The following MICU1 variants were observed in gnomAD, a reference collection of about 807,000 sequenced individuals.
MICU1 encodes the protein calcium uptake protein 1, mitochondrial.
A neutral mutation model predicts 56.8 loss-of-function variants in MICU1; 45 were observed. The observed-to-expected ratio is 0.79, with a 90% CI of 0.62 to 1.02. The LOEUF (loss-of-function observed/expected upper bound fraction) is 1.02. MICU1 is among the 50% of genes least tolerant of loss of function. MICU1 has a pLI of 0.00. For missense variants in MICU1, 504 were observed against 587.1 expected, an observed-to-expected ratio of 0.86 and a Z score of 1.46; for synonymous variants, 186 against 195.1, an observed-to-expected ratio of 0.95 and a Z score of 0.39.
intron 8 of MICU1, among the ~76,000 whole-genome samples, chr10:72,436,959 T>C (rs535636076): frequency 1.6e-4 from 24 of 152,210 alleles, no homozygotes; most frequent in African/African-American, 5.1e-4. Context: ...TGGAAGCAAG[T>C]TGAAAAACAC....
rs1313743786 is a variant in MICU1, at chr10:72,508,179, T to C, written c.628A>G (p.Ile210Val). 2 of 1,531,948 alleles carry C rather than the reference T, an allele frequency of 1.3e-6. No individual in the cohort carries two copies. The highest frequency in any genetic ancestry group is 1.8e-6 in the Non-Finnish European group (2 of 1,125,954). 94.9% of individuals were successfully genotyped at this position (1,531,948 alleles called of 1,614,324 possible). ...ECGLISFSDY[I>V]FLTTVLSTPQ... ...CTGGAAAGAACAGTTGTGAGGAAAA[T>C]GTAGTCTGAAAAGGATATGAGCCCA... Residue 210 changes from isoleucine (I) to valine (V), a missense_variant, in exon 6 of 12, where the codon ATT (isoleucine) becomes GTT (valine). Coordinates refer to ENST00000361114, the MANE Select transcript of MICU1 (RefSeq NM_001195518.2).
chr10:72,400,449 T>A (rs1290923690), intron 10 of MICU1, among the ~76,000 whole-genome samples: 1 of 152,104 alleles, frequency 6.6e-6, no homozygotes, highest in Non-Finnish European at 1.5e-5. Context: ...TTTGTTTTTA[T>A]AGTAAATGAT....
chr10:72,371,151 C>T (rs946682275), intron 11 of MICU1, among the ~76,000 whole-genome samples: 3 of 151,670 alleles, frequency 2.0e-5, no homozygotes, highest in Non-Finnish European at 4.4e-5. Context: ...TTTGGGAGGC[C>T]GAGACGGGCG....
Position 72,551,371 on chromosome 10 carries a change from A to G in MICU1, c.331-30T>C, listed in dbSNP as rs375271922. 2.6e-5 allele frequency: 39 copies of G among 1,528,688 alleles called. No homozygotes were observed. In the African/African-American group the frequency reaches 4.8e-4, roughly 19 times the overall value. 94.7% of individuals were successfully genotyped at this position (1,528,688 alleles called of 1,614,324 possible). A position where few individuals can be genotyped will look rare whatever the true frequency, so the allele number is the denominator to read the frequency against. On this transcript the variant is annotated intron_variant, in intron 3 of 11. Transcript: ENST00000361114. ...AGTTAGAAATTTAGAAAGTGTTACT[A>G]TATTAAGCAATGCTCATATGCTCAT...
chr10:72,608,669 T>C (rs768407317), intron 1 of MICU1, among the ~76,000 whole-genome samples: 8 of 152,238 alleles, frequency 5.3e-5, no homozygotes, highest in Admixed American at 1.3e-4. Context: ...AATGCAGCTA[T>C]TGTTAGTCGA....
intron 5 of MICU1, chr10:72,533,141 T>C: frequency 7.8e-7 from 1 of 1,290,078 alleles, no homozygotes; most frequent in Non-Finnish European, 1.0e-6. Flanking sequence ...CTGTGTAATA[T>C]TTTCTTTTTG....
intron 1 of MICU1, among the ~76,000 whole-genome samples, chr10:72,567,874 G>A (rs1840484047): frequency 6.6e-6 from 1 of 152,092 alleles, no homozygotes; most frequent in African/African-American, 2.4e-5. Context: ...TAACTGGCAA[G>A]GGAAAAACTT....
chr10:72,536,762 A>C (rs1032054421), intron 4 of MICU1, among the ~76,000 whole-genome samples: 4 of 152,228 alleles, frequency 2.6e-5, no homozygotes, highest in African/African-American at 9.6e-5. Context: ...TAATCAAGAG[A>C]AAATATTAAT....
intron 1 of MICU1, 110 bp from the exon 2 acceptor site, chr10:72,566,904 G>A (rs978164113): frequency 1.9e-5 from 17 of 908,432 alleles, no homozygotes; most frequent in Non-Finnish European, 2.3e-5. Flanking sequence ...CTCTATGACA[G>A]GCACTATTCT....
At chr10:72,592,843 C>G (rs868463411) in intron 1 of MICU1, among the ~76,000 whole-genome samples, 4 of 148,950 alleles carry the variant, frequency 2.7e-5, no homozygotes, top group Non-Finnish European at 5.9e-5. Context: ...AGAGCAATGG[C>G]GCAATCTCGG....
intron 9 of MICU1, among the ~76,000 whole-genome samples, chr10:72,414,154 CA>C (rs1863910524): frequency 6.6e-6 from 1 of 152,152 alleles, no homozygotes; most frequent in Non-Finnish European, 1.5e-5. Flanking sequence ...CACAGGTCTG[CA>C]GGAGGACTTG....
In MICU1 at chr10:72,377,272, A is replaced by G. The variant is rs560736888; in HGVS notation, c.1181-1400T>C. Among the ~76,000 whole-genome samples, 582 of 152,154 alleles carry G rather than the reference A, an allele frequency of 3.8e-3. 3 individuals are homozygous for G. Among genetic ancestry groups the G allele is most frequent in the African/African-American group, 0.013 (531 of 41,476 alleles). On this transcript the variant is annotated intron_variant, in intron 10 of 11. Transcript: ENST00000361114. ...GTAGCTGGGACTACTGGTGCCTGCC[A>G]TCACGCCTGGCTAATTTTTATATTT...
intron 8 of MICU1, among the ~76,000 whole-genome samples, chr10:72,464,076 A>T (rs1865715822): frequency 6.6e-6 from 1 of 152,136 alleles, no homozygotes; most frequent in Non-Finnish European, 1.5e-5. Context: ...CGAGTGGATC[A>T]CCTGAGGTCA....
intron 8 of MICU1, among the ~76,000 whole-genome samples, chr10:72,447,602 C>A (rs181089237): frequency 1.3e-5 from 2 of 151,980 alleles, no homozygotes; most frequent in Non-Finnish European, 2.9e-5. Context: ...ATAGTTACTA[C>A]TTGAAGTTTT....
intron 1 of MICU1, among the ~76,000 whole-genome samples, chr10:72,581,842 C>A (rs903910581): frequency 3.3e-5 from 5 of 152,096 alleles, no homozygotes; most frequent in African/African-American, 1.2e-4. Context: ...AGTCCTTTTC[C>A]GGTTCTAAGA....
At chr10:72,585,672 A>G (rs1255721603) in intron 1 of MICU1, among the ~76,000 whole-genome samples, 1 of 152,116 alleles carries the variant, frequency 6.6e-6, no homozygotes, top group Non-Finnish European at 1.5e-5. Context: ...AAAAAAAAAA[A>G]AATTCATTTT....
chr10:72,564,003 A>G (rs1840363452), intron 2 of MICU1, among the ~76,000 whole-genome samples: 1 of 151,392 alleles, frequency 6.6e-6, no homozygotes, highest in Non-Finnish European at 1.5e-5. Flanking sequence ...TAATATAAGT[A>G]TTTCTTTTTT....
At chr10:72,584,457 ATAAG>A (rs774527222) in intron 1 of MICU1, among the ~76,000 whole-genome samples, 7 of 152,250 alleles carry the variant, frequency 4.6e-5, no homozygotes, top group African/African-American at 7.2e-5. Context: ...CAGATCATAA[ATAAG>A]GTTTCAATAT....
At chr10:72,530,070 G>A (rs1489228764) in intron 5 of MICU1, among the ~76,000 whole-genome samples, 1 of 149,364 alleles carries the variant, frequency 6.7e-6, no homozygotes, top group African/African-American at 2.5e-5. Flanking sequence ...GCTCACGCCT[G>A]TAATCGCAAC....
Sources: gnomAD v4.1 joint callset for allele counts (sites outside exome capture counted in the v4.1 genomes callset) on GRCh38, gnomAD v4.1.1 for gene constraint, MANE v1.5 for transcripts, NCBI Gene and HGNC (gene_info 2026-07-23, HGNC 2026-07-21) for gene names.